The following DPYD variants were observed in gnomAD, a reference collection of about 807,000 sequenced individuals.
DPYD encodes dihydropyrimidine dehydrogenase, also known as dihydropyrimidine dehydrogenase [NADP(+)].
In DPYD, 109 loss-of-function variants were observed where a neutral mutation model predicts 116.2. That is an observed-to-expected ratio of 0.94 (90% CI 0.80 to 1.10). DPYD has a LOEUF of 1.10. Ranked by LOEUF, DPYD falls within the 50% of genes least tolerant of loss-of-function variation. The pLI, the probability that DPYD is intolerant of heterozygous loss-of-function variation, is 0.00. For synonymous variants in DPYD, 440 were observed against 432.0 expected (o/e 1.02, Z -0.23); for missense variants, 1,302 against 1,254.5 (o/e 1.04, Z -0.57).
intron 3 of DPYD, among the ~76,000 whole-genome samples, chr1:97,766,786 A>G (rs1665880646): frequency 6.6e-6 from 1 of 152,230 alleles, no homozygotes; most frequent in Non-Finnish European, 1.5e-5. Context: ...AAACACACAA[A>G]GTTTTACAGT....
intron 14 of DPYD, among the ~76,000 whole-genome samples, chr1:97,446,782 T>C (rs916997378): frequency 2.6e-5 from 4 of 152,146 alleles, no homozygotes; most frequent in Non-Finnish European, 4.4e-5. Context: ...ATAAGGCGTT[T>C]GCATTGAGAA....
chr1:97,885,307 AAAG>A, intron 1 of DPYD, among the ~76,000 whole-genome samples: 1 of 152,198 alleles, frequency 6.6e-6, no homozygotes, highest in Non-Finnish European at 1.5e-5. Context: ...TGAACAGATA[AAAG>A]AATTATTATA....
intron 20 of DPYD, among the ~76,000 whole-genome samples, chr1:97,112,775 G>A (rs1402447021): frequency 1.3e-5 from 2 of 152,070 alleles, no homozygotes; most frequent in Non-Finnish European, 2.9e-5. Context: ...CAGGCACTTT[G>A]TCTCCAGTTT....
Position 97,077,761 on chromosome 1 carries a change from AT to A in DPYD, c.*1214del, listed in dbSNP as rs1648891050. ...GACCATATTTAAAATGCTTTATGAT[AT>A]TTTATTTGATATTATTCAGTAATAC... On this transcript the variant is annotated 3_prime_UTR_variant, in exon 23 of 23. Coordinates refer to ENST00000370192, the MANE Select transcript of DPYD (RefSeq NM_000110.4). 1 of 152,176 alleles carries A rather than the reference AT, an allele frequency of 6.6e-6. No individual in the cohort carries two copies. Among genetic ancestry groups the A allele is most frequent in the African/African-American group, 2.4e-5 (1 of 41,448 alleles). 9.4% of individuals were successfully genotyped at this position (152,176 alleles called of 1,614,324 possible).
intron 20 of DPYD, among the ~76,000 whole-genome samples, chr1:97,185,074 G>A (rs548868963): frequency 6.6e-6 from 1 of 152,180 alleles, no homozygotes; most frequent in Admixed American, 6.6e-5. Context: ...ATTATGATTG[G>A]ATGTTGGATT....
At chr1:97,896,527 T>C (rs913115318) in intron 1 of DPYD, among the ~76,000 whole-genome samples, 16 of 151,916 alleles carry the variant, frequency 1.1e-4, no homozygotes, top group Admixed American at 6.6e-4. Context: ...AAAGTATTAC[T>C]TTTTTACAAT....
chr1:97,835,053 T>C (rs1424938933), intron 2 of DPYD, among the ~76,000 whole-genome samples: 1 of 152,082 alleles, frequency 6.6e-6, no homozygotes, highest in Non-Finnish European at 1.5e-5. Flanking sequence ...GAGGTAATCA[T>C]ATTTAGCTAA....
At chr1:97,887,473 A>T (rs1047690595) in intron 1 of DPYD, among the ~76,000 whole-genome samples, 19 of 12,368 alleles carry the variant, frequency 1.5e-3, no homozygotes, top group Non-Finnish European at 5.2e-3. Context: ...CTGCATTAAA[A>T]AAAAAAAAAA....
At chr1:97,905,947 T>C (rs920779646) in intron 1 of DPYD, among the ~76,000 whole-genome samples, 8 of 152,072 alleles carry the variant, frequency 5.3e-5, no homozygotes, top group Non-Finnish European at 1.0e-4. Flanking sequence ...AACCTTTCTA[T>C]GTCCTTGGTT....
intron 14 of DPYD, among the ~76,000 whole-genome samples, chr1:97,389,789 A>C (rs1348282631): frequency 6.6e-6 from 1 of 151,958 alleles, no homozygotes; most frequent in Admixed American, 6.6e-5. Flanking sequence ...ATAATTTACT[A>C]ATCAAATTTT....
At position 97,169,548 on chromosome 1, in the gene DPYD, ATTTTATTTT is replaced by A. The variant is rs138161960; in HGVS notation, c.2622+23512_2622+23520del. On this transcript the variant is annotated intron_variant, in intron 20 of 22. Transcript: ENST00000370192. ...TTTTTATTTTATTTTATTTTATTTT[ATTTTATTTT>A]ATTTGTTATGGAGTTTTGCTCTTGT... 6.2e-3 allele frequency among the ~76,000 whole-genome samples: 935 copies of A among 151,108 alleles called. 4 individuals are homozygous for A. The highest frequency in any genetic ancestry group is 9.8e-3 in the Non-Finnish European group (662 of 67,852).
intron 8 of DPYD, among the ~76,000 whole-genome samples, chr1:97,604,060 C>T (rs1655424416): frequency 6.6e-6 from 1 of 152,080 alleles, no homozygotes; most frequent in Admixed American, 6.6e-5. Context: ...AAGTGGCAGG[C>T]TTTAAAATAA....
intron 11 of DPYD, among the ~76,000 whole-genome samples, chr1:97,570,873 T>A (rs971230326): frequency 1.3e-5 from 2 of 151,918 alleles, no homozygotes; most frequent in Non-Finnish European, 2.9e-5. Context: ...GAATATAATT[T>A]GGCACCTGGC....
rs1670537631 is a variant in DPYD at position 97,850,902 on chromosome 1, A to G, written c.151-22706T>C. Among the ~76,000 whole-genome samples the G allele has an allele frequency of 2.0e-5, 3 of 152,024 alleles. No homozygotes were observed. The South Asian group carries it at 6.2e-4, about 31-fold the overall frequency. ...AACACATGTCCTTTTTAAGAATATG[A>G]TATATTATCTCCCATGATTCCTTAC... On this transcript the variant is annotated intron_variant, in intron 2 of 22. Transcript: ENST00000370192.
chr1:97,776,911 C>A (rs79875880), intron 3 of DPYD, among the ~76,000 whole-genome samples: 2 of 152,156 alleles, frequency 1.3e-5, no homozygotes, highest in Non-Finnish European at 2.9e-5. Flanking sequence ...ACTGTTATTA[C>A]AAGTTTAGAC....
chr1:97,499,780 G>T (rs888009210), intron 13 of DPYD, among the ~76,000 whole-genome samples: 21 of 151,910 alleles, frequency 1.4e-4, no homozygotes, highest in African/African-American at 4.8e-4. Flanking sequence ...AATCTAGTTT[G>T]GAAATACTGA....
intron 16 of DPYD, chr1:97,322,690 C>G (rs1668368349): frequency 6.6e-6 from 1 of 151,936 alleles, no homozygotes; most frequent in Admixed American, 6.6e-5. Context: ...AGAGAGTTCT[C>G]TATTTTAATC....
At chr1:97,578,908 A>G (rs1329339776) in intron 10 of DPYD, among the ~76,000 whole-genome samples, 1 of 152,250 alleles carries the variant, frequency 6.6e-6, no homozygotes, top group Non-Finnish European at 1.5e-5. Flanking sequence ...AACAAAAAAA[A>G]GTACTACTTC....
chr1:97,536,266 A>G (rs951152052), intron 12 of DPYD, among the ~76,000 whole-genome samples: 1 of 152,206 alleles, frequency 6.6e-6, no homozygotes, highest in Non-Finnish European at 1.5e-5. Flanking sequence ...GGCTATCACT[A>G]TCTCAAACTA....
Sources: allele counts gnomAD v4.1 joint callset (sites outside exome capture counted in the v4.1 genomes callset), GRCh38; gene constraint gnomAD v4.1.1; transcripts MANE v1.5; gene names NCBI Gene and HGNC (gene_info 2026-07-23, HGNC 2026-07-21).